Variants in PHACTR2 observed in about 807,000 individuals in gnomAD.
PHACTR2 encodes phosphatase and actin regulator 2.
A neutral mutation model predicts 76.0 loss-of-function variants in PHACTR2; 30 were observed. That is an observed-to-expected ratio of 0.39 (90% confidence interval 0.30 to 0.54). PHACTR2 has a LOEUF of 0.54. PHACTR2 is among the 20% of genes least tolerant of loss of function. The pLI, the probability that PHACTR2 is intolerant of heterozygous loss-of-function variation, is 0.61. For synonymous variants in PHACTR2, 292 were observed against 292.5 expected, an observed-to-expected ratio of 1.00 and a Z score of 0.02; for missense variants, 696 against 781.1, an observed-to-expected ratio of 0.89 and a Z score of 1.30.
rs1184966055 is a variant in PHACTR2 at position 143,754,049 on chromosome 6, T to C, written c.454+137T>C. 1 of 471,922 alleles carries C rather than the reference T, an allele frequency of 2.1e-6. No individual in the cohort carries two copies. Among genetic ancestry groups the C allele is most frequent in the Non-Finnish European group, 3.7e-6 (1 of 271,878 alleles). 29.2% of individuals were successfully genotyped at this position (471,922 alleles called of 1,614,324 possible). ...TTTACAAATAGAAAAAAGAAAGAAA[T>C]GATAACTAGTAAAGTGAAATCGGAT... On this transcript the variant is annotated intron_variant, in intron 4 of 12. Transcript: ENST00000440869. The surrounding 1 kb of genome is among the most constrained non-coding windows in gnomAD (Gnocchi z 6.2).
rs549824420 is a variant in PHACTR2, at chr6:143,736,864, A to G, written c.215-12121A>G. Among the ~76,000 whole-genome samples, 61 of 151,564 alleles carry G rather than the reference A, an allele frequency of 4.0e-4. No homozygotes were observed. In the East Asian group the frequency reaches 6.8e-3, roughly 17 times the overall value. ...GCTGGGATTACTGGCGTGAGCCAAC[A>G]CGTCCGGCCTACAAGATATTTTAAT... On this transcript the variant is annotated intron_variant, in intron 2 of 12. Transcript: ENST00000440869.
At chr6:143,802,125 T>A (rs1009419640) in intron 11 of PHACTR2, among the ~76,000 whole-genome samples, 3 of 152,164 alleles carry the variant, frequency 2.0e-5, no homozygotes, top group African/African-American at 7.2e-5. Context: ...TTCAGACATT[T>A]TTGTTTCCTT....
intron 1 of PHACTR2, among the ~76,000 whole-genome samples, chr6:143,643,177 T>G (rs1194836780): frequency 6.6e-6 from 1 of 152,174 alleles, no homozygotes. Context: ...TCCAAATTAT[T>G]GTTTAAATGG....
chr6:143,605,354 C>A (rs1053138692), upstream of PHACTR2, among the ~76,000 whole-genome samples: 6 of 152,256 alleles, frequency 3.9e-5, no homozygotes, highest in Non-Finnish European at 7.4e-5. This position sits in a 1 kb window ranked among gnomAD's most constrained non-coding sequence, Gnocchi z 5.0. Flanking sequence ...TCTACCATGC[C>A]CACAGCATCT....
At chr6:143,661,339 C>T (rs373184290) in intron 1 of PHACTR2, among the ~76,000 whole-genome samples, 18 of 152,166 alleles carry the variant, frequency 1.2e-4, no homozygotes, top group African/African-American at 3.6e-4. Context: ...CACTGTAACA[C>T]ATCTATAAAG....
Position 143,537,728 on chromosome 6 carries a change from C to G in PHACTR2, c.217+521C>G, listed in dbSNP as rs1781131166. Among the ~76,000 whole-genome samples, 1 of 152,136 alleles carries G rather than the reference C, an allele frequency of 6.6e-6. No individual in the cohort carries two copies. Among genetic ancestry groups the G allele is most frequent in the Admixed American group, 6.5e-5 (1 of 15,286 alleles). ...AGGACCCGGGATATGAGTTTTTCCT[C>G]CTTGCAAAAACCCATGAGGTTAATG... On this transcript the variant is annotated intron_variant, in intron 1 of 11. Transcript: ENST00000367584. The surrounding 1 kb of genome is among the most constrained non-coding windows in gnomAD (Gnocchi z 4.4).
chr6:143,717,869 G>T (rs1778338114), intron 2 of PHACTR2, among the ~76,000 whole-genome samples: 1 of 152,056 alleles, frequency 6.6e-6, no homozygotes, highest in Non-Finnish European at 1.5e-5. Flanking sequence ...ATCATACCCT[G>T]CCTATGCTTT....
rs1318838984 is a variant in PHACTR2, at chr6:143,751,626, T to C, written c.296-2128T>C. On this transcript the variant is annotated intron_variant, in intron 3 of 12. Coordinates refer to ENST00000440869, the MANE Select transcript of PHACTR2 (RefSeq NM_001100164.2). This position sits in a 1 kb window ranked among gnomAD's most constrained non-coding sequence, Gnocchi z 5.7. ...ACCCTCGTGTTCCTTATTTAACCAC[T>C]TGTTCCTGTTTGTGCTTTATCTCTG... Among the ~76,000 whole-genome samples the C allele has an allele frequency of 6.6e-6, 1 of 152,158 alleles. No individual in the cohort carries two copies. The highest frequency in any genetic ancestry group is 2.4e-5 in the African/African-American group (1 of 41,428).
Position 143,700,005 on chromosome 6 carries a change from T to C in PHACTR2, c.47-12011T>C, listed in dbSNP as rs1777867983. 1.3e-5 allele frequency among the ~76,000 whole-genome samples: 2 copies of C among 152,144 alleles called. No individual in the cohort carries two copies. The highest frequency in any genetic ancestry group is 1.3e-4 in the Admixed American group (2 of 15,260). The stretch of plus-strand genomic sequence containing the variant: ...GCCTTGGGGAGATTGTCCGGGATAC[T>C]ACATGTGGCCACGGTCTCTCCACAG... On this transcript the variant is annotated intron_variant, in intron 1 of 12. Transcript: ENST00000440869. The surrounding 1 kb of genome is among the most constrained non-coding windows in gnomAD (Gnocchi z 4.1).
intron 2 of PHACTR2, among the ~76,000 whole-genome samples, chr6:143,718,644 G>A (rs1778357029): frequency 6.6e-6 from 1 of 152,140 alleles, no homozygotes; most frequent in Non-Finnish European, 1.5e-5. Context: ...GTAGAAAAAT[G>A]GTTGGCAAGG....
At position 143,562,603 on chromosome 6, in the gene PHACTR2, C is replaced by T. The variant is rs1237676625; in HGVS notation, c.217+25396C>T. Among the ~76,000 whole-genome samples the T allele has an allele frequency of 1.3e-5, 2 of 152,066 alleles. No homozygotes were observed. The highest frequency in any genetic ancestry group is 2.9e-5 in the Non-Finnish European group (2 of 68,010). ...AAACTATATCACTTGACTGCCTCTC[C>T]AGTGTGACTCTGAGTTTCAAGGGTA... On this transcript the variant is annotated intron_variant, in intron 1 of 11. Coordinates refer to the PHACTR2 transcript ENST00000367584. This position sits in a 1 kb window ranked among gnomAD's most constrained non-coding sequence, Gnocchi z 5.1.
intron 11 of PHACTR2, among the ~76,000 whole-genome samples, chr6:143,796,502 G>A (rs1048079683): frequency 2.6e-5 from 4 of 151,792 alleles, no homozygotes; most frequent in African/African-American, 9.7e-5. Context: ...ATGGTGGTTT[G>A]CTGCACCCAT....
chr6:143,718,847 T>G (rs1038397241), intron 2 of PHACTR2, among the ~76,000 whole-genome samples: 32 of 152,062 alleles, frequency 2.1e-4, no homozygotes, highest in Non-Finnish European at 3.2e-4. Flanking sequence ...CTTGTCTTAT[T>G]CCACTAAGAA....
At chr6:143,542,849 T>C (rs1781183634) in intron 1 of PHACTR2, among the ~76,000 whole-genome samples, 1 of 152,224 alleles carries the variant, frequency 6.6e-6, no homozygotes, top group African/African-American at 2.4e-5. Context: ...TTTGATCAGA[T>C]ACTCACTGGA....
Position 143,543,452 on chromosome 6 carries a change from T to C in PHACTR2, c.217+6245T>C, listed in dbSNP as rs1387743952. 6.6e-6 allele frequency among the ~76,000 whole-genome samples: 1 copy of C among 152,196 alleles called. No homozygotes were observed. Among genetic ancestry groups the C allele is most frequent in the Non-Finnish European group, 1.5e-5 (1 of 68,030 alleles). ...CAGGCCAATAAGCCAAAGACCACAG[T>C]GCAATAAAGTATAAGCTATGATTAG... On this transcript the variant is annotated intron_variant, in intron 1 of 11. Coordinates refer to the PHACTR2 transcript ENST00000367584. The surrounding 1 kb of genome is among the most constrained non-coding windows in gnomAD (Gnocchi z 4.7).
rs1290857020 is a variant in PHACTR2, at chr6:143,585,477, G to T, written c.217+48270G>T. On this transcript the variant is annotated intron_variant, in intron 1 of 11. Coordinates refer to the PHACTR2 transcript ENST00000367584. This position sits in a 1 kb window ranked among gnomAD's most constrained non-coding sequence, Gnocchi z 5.2. ...AAACCAGGTTTGCAGTTAACCTAGGGCTTCAGGAGTAAGGAACTGGATTCA... is the reference window on the plus strand; with the variant it reads ...AAACCAGGTTTGCAGTTAACCTAGGTCTTCAGGAGTAAGGAACTGGATTCA... Among the ~76,000 whole-genome samples the T allele has an allele frequency of 6.6e-6, 1 of 152,204 alleles. No individual in the cohort carries two copies. Among genetic ancestry groups the T allele is most frequent in the Non-Finnish European group, 1.5e-5 (1 of 68,040 alleles).
chr6:143,725,303 A>C (rs958753192), intron 2 of PHACTR2, among the ~76,000 whole-genome samples: 8 of 143,016 alleles, frequency 5.6e-5, no homozygotes, highest in Non-Finnish European at 9.0e-5. Context: ...TGGGTTCATG[A>C]CATTCTCCTG....
At chr6:143,812,042 A>C (rs1205703906) in intron 12 of PHACTR2, among the ~76,000 whole-genome samples, 1 of 152,144 alleles carries the variant, frequency 6.6e-6, no homozygotes, top group African/African-American at 2.4e-5. Context: ...CTTCCCTTCA[A>C]AACCTCAATC....
At position 143,539,643 on chromosome 6, in the gene PHACTR2, C is replaced by T. The variant is rs1456023993; in HGVS notation, c.217+2436C>T. On this transcript the variant is annotated intron_variant, in intron 1 of 11. Coordinates refer to the PHACTR2 transcript ENST00000367584. This position sits in a 1 kb window ranked among gnomAD's most constrained non-coding sequence, Gnocchi z 4.3. ...AATTTCCAGCCCTTCTCCAGAAGCT[C>T]TGGGCACACACAGAGGCAGCACCTA... 6.6e-6 allele frequency among the ~76,000 whole-genome samples: 1 copy of T among 152,206 alleles called. No individual in the cohort carries two copies. The highest frequency in any genetic ancestry group is 1.5e-5 in the Non-Finnish European group (1 of 68,032).
Sources: gnomAD v4.1 joint callset for allele counts (sites outside exome capture counted in the v4.1 genomes callset) on GRCh38, gnomAD v4.1.1 for gene constraint, Gnocchi (gnomAD v3.1) non-coding constraint, MANE v1.5 for transcripts, NCBI Gene and HGNC (gene_info 2026-07-23, HGNC 2026-07-21) for gene names.